DYRK1A: variants seen among roughly 807,000 people sequenced by gnomAD.
The protein encoded by DYRK1A is dual specificity tyrosine phosphorylation regulated kinase 1A, also known as dual specificity tyrosine-phosphorylation-regulated kinase 1A.
A neutral mutation model predicts 79.7 loss-of-function variants in DYRK1A; 9 were observed. The ratio of observed to expected loss-of-function variants is 0.11; its 90% CI spans 0.07 to 0.20. The LOEUF is 0.20. Among genes scored for constraint, DYRK1A ranks in the 10% least tolerant of loss-of-function variants. The pLI, the probability that DYRK1A is intolerant of heterozygous loss-of-function variation, is 1.00. For synonymous variants in DYRK1A, 349 were observed against 329.7 expected, an observed-to-expected ratio of 1.06 and a Z score of -0.63; for missense variants, 622 against 956.0, an observed-to-expected ratio of 0.65 and a Z score of 4.61.
At chr21:37,402,414 C>T (rs1678810991) in intron 1 of DYRK1A, among the ~76,000 whole-genome samples, 1 of 152,100 alleles carries the variant, frequency 6.6e-6, no homozygotes, top group Admixed American at 6.5e-5. Context: ...TGTCTTTTAG[C>T]ACTTTAATGG....
At chr21:37,407,799 A>G (rs2050174854) in intron 1 of DYRK1A, among the ~76,000 whole-genome samples, 1 of 152,212 alleles carries the variant, frequency 6.6e-6, no homozygotes, top group Non-Finnish European at 1.5e-5. Flanking sequence ...GCTAATGTGT[A>G]CAGTTTTTTC....
intron 2 of DYRK1A, among the ~76,000 whole-genome samples, chr21:37,443,777 T>C (rs1555968167): frequency 4.6e-5 from 7 of 152,154 alleles, no homozygotes; most frequent in Non-Finnish European, 5.9e-5. Flanking sequence ...TTGCCTTCTT[T>C]CTCACACGGT....
chr21:37,375,921 T>C (rs1342516304), intron 1 of DYRK1A, among the ~76,000 whole-genome samples: 1 of 151,940 alleles, frequency 6.6e-6, no homozygotes, highest in African/African-American at 2.4e-5. Context: ...CATGCCTGTT[T>C]TTGCACCCAA....
chr21:37,366,398 C>CGGCGCG (rs1425251118), upstream of DYRK1A, among the ~76,000 whole-genome samples: 577 of 145,252 alleles, frequency 4.0e-3, 3 homozygotes, highest in South Asian at 0.015. Context: ...GGGCCGCAGT[C>CGGCGCG]GGCGCGGGCG....
chr21:37,480,133 A>C (rs1174131535), intron 4 of DYRK1A, among the ~76,000 whole-genome samples: 1 of 152,220 alleles, frequency 6.6e-6, no homozygotes, highest in Admixed American at 6.5e-5. Context: ...ATATGTTGCC[A>C]TAAAATCAAA....
chr21:37,469,679 A>G (rs1426113895), intron 2 of DYRK1A, among the ~76,000 whole-genome samples: 1 of 152,152 alleles, frequency 6.6e-6, no homozygotes, highest in Non-Finnish European at 1.5e-5. Flanking sequence ...GAGGTGCCAC[A>G]CAGTTTTAAA....
intron 6 of DYRK1A, chr21:37,488,338 A>G (rs1245638240): frequency 2.1e-6 from 2 of 961,246 alleles, no homozygotes; most frequent in Non-Finnish European, 2.5e-6. Context: ...TTGAATTGAT[A>G]CCTTAAACTT....
intron 1 of DYRK1A, among the ~76,000 whole-genome samples, chr21:37,371,837 A>G (rs1321923875): frequency 1.3e-5 from 2 of 152,184 alleles, no homozygotes; most frequent in African/African-American, 4.8e-5. Flanking sequence ...ACTGGCTTTC[A>G]GCATCAACTC....
At chr21:37,389,551 T>C (rs146292154) in intron 1 of DYRK1A, among the ~76,000 whole-genome samples, 2 of 152,346 alleles carry the variant, frequency 1.3e-5, no homozygotes, top group African/African-American at 4.8e-5. Context: ...TTTTCCATCA[T>C]AGCGTTGTCT....
At chr21:37,465,848 A>AT (rs1241320039) in intron 2 of DYRK1A, among the ~76,000 whole-genome samples, 4 of 152,082 alleles carry the variant, frequency 2.6e-5, no homozygotes, top group African/African-American at 9.7e-5. Flanking sequence ...GAAAAAAAAA[A>AT]GGAAATGTTG....
At chr21:37,466,843 T>G (rs1416772742) in intron 2 of DYRK1A, among the ~76,000 whole-genome samples, 1 of 151,798 alleles carries the variant, frequency 6.6e-6, no homozygotes, top group Non-Finnish European at 1.5e-5. Flanking sequence ...CTTAATAAAA[T>G]TAAACCTTTG....
intron 2 of DYRK1A, among the ~76,000 whole-genome samples, chr21:37,429,074 A>G (rs2835733): frequency 0.2 from 29,929 of 152,244 alleles, 3,185 homozygotes; most frequent in East Asian, 0.36. Flanking sequence ...TAATGGATAT[A>G]CATTAGAGAG....
intron 2 of DYRK1A, chr21:37,425,685 T>A (rs1407904021): frequency 6.6e-6 from 1 of 151,516 alleles, no homozygotes. Context: ...CCCATTTTCC[T>A]CTAGAAGAGA....
At chr21:37,414,538 C>A (rs568707671) in intron 1 of DYRK1A, among the ~76,000 whole-genome samples, 2 of 152,220 alleles carry the variant, frequency 1.3e-5, no homozygotes, top group African/African-American at 2.4e-5. Context: ...CTGGGACTTT[C>A]GAGCTCAGTT....
intron 2 of DYRK1A, among the ~76,000 whole-genome samples, chr21:37,428,081 G>A (rs747578217): frequency 3.3e-5 from 5 of 152,024 alleles, no homozygotes; most frequent in African/African-American, 9.7e-5. Context: ...ACAGAGGTTC[G>A]GTAGCCTGCC....
chr21:37,475,355 A>G (rs981884921), intron 3 of DYRK1A, among the ~76,000 whole-genome samples: 27 of 152,220 alleles, frequency 1.8e-4, no homozygotes, highest in Admixed American at 1.4e-3. Flanking sequence ...ATTACTGTAC[A>G]TTCTCTTGAC....
At chr21:37,371,935 A>G (rs28678082) in intron 1 of DYRK1A, among the ~76,000 whole-genome samples, 32,620 of 151,910 alleles carry the variant, frequency 0.21, 3,715 homozygotes, top group East Asian at 0.36. Flanking sequence ...TGATTTTTTA[A>G]TTTTTAAAAA....
intron 1 of DYRK1A, among the ~76,000 whole-genome samples, chr21:37,380,966 C>T (rs1261530255): frequency 1.3e-5 from 2 of 152,178 alleles, no homozygotes; most frequent in African/African-American, 2.4e-5. Flanking sequence ...ATGCGCTCTT[C>T]GTTTTAAAAA....
intron 2 of DYRK1A, among the ~76,000 whole-genome samples, chr21:37,439,214 T>G (rs946512756): frequency 5.9e-5 from 9 of 152,234 alleles, no homozygotes; most frequent in African/African-American, 2.2e-4. Flanking sequence ...TCTATCTAGA[T>G]AATCACATTT....
Sources: allele counts gnomAD v4.1 joint callset (sites outside exome capture counted in the v4.1 genomes callset), GRCh38; gene constraint gnomAD v4.1.1; transcripts MANE v1.5; gene names NCBI Gene and HGNC (gene_info 2026-07-23, HGNC 2026-07-21).